The following SNX25 variants were observed in gnomAD, a reference collection of about 807,000 sequenced individuals.
The protein encoded by SNX25 is sorting nexin-25.
In SNX25, 62 loss-of-function variants were observed where a neutral mutation model predicts 113.7. The ratio of observed to expected loss-of-function variants is 0.55; its 90% CI spans 0.44 to 0.67. The LOEUF is 0.67. Among genes scored for constraint, SNX25 ranks in the 30% least tolerant of loss-of-function variants. The pLI, the probability that SNX25 is intolerant of heterozygous loss-of-function variation, is 0.00. For missense variants in SNX25, 1,014 were observed against 1,161.0 expected (o/e 0.87, Z 1.84); for synonymous variants, 421 against 436.2 (o/e 0.97, Z 0.43).
At chr4:185,312,229 G>T (rs2095036636) in intron 7 of SNX25, among the ~76,000 whole-genome samples, 3 of 151,950 alleles carry the variant, frequency 2.0e-5, no homozygotes, top group African/African-American at 4.8e-5. Context: ...TAGGTACTAG[G>T]ATTAAAAATA....
chr4:185,259,074 C>A lies in SNX25; in HGVS notation c.731+10C>A, dbSNP rs780488690. On this transcript the variant is annotated intron_variant, in intron 3 of 18. Transcript: ENST00000652585. ...AAGCTGCCAATGCCAGGTAACTGTT[C>A]TAAGCAACTTACCCCCTTTTTTGCA... is the stretch of plus-strand genomic sequence containing the variant. 6.2e-7 allele frequency: 1 copy of A among 1,608,940 alleles called. No individual in the cohort carries two copies. Among genetic ancestry groups the A allele is most frequent in the East Asian group, 2.2e-5 (1 of 44,800 alleles).
At chr4:185,376,819 AAC>A in the SNX25 span, 1 of 851,230 alleles carries the variant, frequency 1.2e-6, no homozygotes, top group African/African-American at 1.7e-5. Context: ...TCCCTAGTAT[AAC>A]ACAGTAAGAA....
At chr4:185,327,738 G>A (rs1479863199) in intron 9 of SNX25, among the ~76,000 whole-genome samples, 1 of 152,142 alleles carries the variant, frequency 6.6e-6, no homozygotes, top group African/African-American at 2.4e-5. Flanking sequence ...CACCAGATTA[G>A]AAGTTAGGGT....
At chr4:185,233,917 G>C (rs1742223621) in intron 1 of SNX25, among the ~76,000 whole-genome samples, 1 of 152,088 alleles carries the variant, frequency 6.6e-6, no homozygotes, top group African/African-American at 2.4e-5. Flanking sequence ...GAGTGCAGTG[G>C]CGCGATCTTG....
intron 17 of SNX25, chr4:185,362,399 C>A (rs909154913): frequency 4.8e-5 from 45 of 936,514 alleles, no homozygotes; most frequent in Non-Finnish European, 5.6e-5. Flanking sequence ...TATTAAAATT[C>A]GTAGTTGAAA....
chr4:185,215,953 C>T (rs1738746988), intron 1 of SNX25, among the ~76,000 whole-genome samples: 1 of 151,968 alleles, frequency 6.6e-6, no homozygotes, highest in African/African-American at 2.4e-5. Flanking sequence ...TGCACCACTA[C>T]ACCCAGCTAA....
chr4:185,345,610 CAT>C (rs978695334), intron 12 of SNX25, among the ~76,000 whole-genome samples: 8 of 151,944 alleles, frequency 5.3e-5, no homozygotes, highest in African/African-American at 1.9e-4. Flanking sequence ...GCCTGGACAA[CAT>C]AGACTTCGCC....
chr4:185,211,012 G>A (rs1737698191), intron 1 of SNX25, among the ~76,000 whole-genome samples: 1 of 152,028 alleles, frequency 6.6e-6, no homozygotes, highest in African/African-American at 2.4e-5. Flanking sequence ...TCCTTTAAAG[G>A]GAACTTTATT....
At chr4:185,218,408 T>C (rs1328228642) in intron 1 of SNX25, among the ~76,000 whole-genome samples, 1 of 152,194 alleles carries the variant, frequency 6.6e-6, no homozygotes, top group Non-Finnish European at 1.5e-5. Flanking sequence ...TTTGTAAGTA[T>C]GGTGGAGCTT....
chr4:185,292,198 T>C (rs1228252203), intron 6 of SNX25, among the ~76,000 whole-genome samples: 2 of 152,106 alleles, frequency 1.3e-5, no homozygotes, highest in Non-Finnish European at 2.9e-5. Flanking sequence ...CATGCCTTCA[T>C]GTCCAGAAAA....
chr4:185,272,094 A>G (rs1485221117), intron 5 of SNX25, among the ~76,000 whole-genome samples: 3 of 152,104 alleles, frequency 2.0e-5, no homozygotes, highest in African/African-American at 4.8e-5. Flanking sequence ...TACTGGTGTG[A>G]TATTTTGAAT....
In SNX25 at chr4:185,320,874, G is replaced by A. The variant is rs1396171667; in HGVS notation, c.1476+10G>A. 2 of 1,574,412 alleles carry A rather than the reference G, an allele frequency of 1.3e-6. No individual in the cohort carries two copies. Among genetic ancestry groups the A allele is most frequent in the East Asian group, 2.3e-5 (1 of 43,998 alleles). ...AAAGAATGCTAACAAGGTAGTATAT[G>A]TAGGCTGAAAGGAATATTAATCACT... On this transcript the variant is annotated intron_variant, in intron 8 of 18. Transcript: ENST00000652585.
chr4:185,375,290 C>T, the SNX25 span, among the ~76,000 whole-genome samples: 1 of 147,844 alleles, frequency 6.8e-6, no homozygotes, highest in Non-Finnish European at 1.5e-5. Flanking sequence ...AATCCTGTCT[C>T]TACTAAAACT....
intron 1 of SNX25, among the ~76,000 whole-genome samples, chr4:185,216,513 G>GTTTTTTTTTTTTTTTTTTTTTTTT (rs34410263): frequency 1.0e-5 from 1 of 96,730 alleles, no homozygotes. Context: ...TGTGTATTTG[G>GTTTTTTTTTTTTTTTTTTTTTTTT]TTTTTTTTTT....
intron 2 of SNX25, among the ~76,000 whole-genome samples, chr4:185,256,403 G>T (rs1746434017): frequency 6.6e-6 from 1 of 151,992 alleles, no homozygotes; most frequent in African/African-American, 2.4e-5. Context: ...AAGCTGAATT[G>T]CAAAAATACT....
chr4:185,302,107 T>TTG (rs1753780206), intron 6 of SNX25, among the ~76,000 whole-genome samples: 1 of 150,068 alleles, frequency 6.7e-6, no homozygotes, highest in Non-Finnish European at 1.5e-5. Context: ...TTTGTTTTTT[T>TTG]TTTTTTTTAG....
downstream of SNX25, among the ~76,000 whole-genome samples, chr4:185,375,030 G>C (rs550380617): frequency 8.5e-5 from 13 of 152,080 alleles, no homozygotes; most frequent in African/African-American, 2.9e-4. Context: ...GAACAGATCT[G>C]TACCCTCCAC....
At position 185,363,481 on chromosome 4, in the gene SNX25, C is replaced by T; in HGVS notation, c.*16C>T. The T allele has an allele frequency of 1.2e-6, 2 of 1,611,620 alleles. No individual in the cohort carries two copies. Among genetic ancestry groups the T allele is most frequent in the South Asian group, 2.2e-5 (2 of 91,034 alleles). On this transcript the variant is annotated 3_prime_UTR_variant, in exon 19 of 19. Coordinates refer to ENST00000652585, the MANE Select transcript of SNX25 (RefSeq NM_001378034.2). The surrounding 1 kb of genome is among the most constrained non-coding windows in gnomAD (Gnocchi z 4.2). ...CCAAGTTTGAGACTACACAAATAAA[C>T]CACCAGAAAAATGTCTGTGTAATAA...
chr4:185,218,315 C>T (rs185942506), intron 1 of SNX25, among the ~76,000 whole-genome samples: 2 of 152,348 alleles, frequency 1.3e-5, no homozygotes, highest in Admixed American at 1.3e-4. Context: ...GAACTCCTGA[C>T]CTCAGGCGAT....
Sources: allele counts gnomAD v4.1 joint callset (sites outside exome capture counted in the v4.1 genomes callset), GRCh38; gene constraint gnomAD v4.1.1; non-coding constraint Gnocchi (gnomAD v3.1); transcripts MANE v1.5; gene names NCBI Gene and HGNC (gene_info 2026-07-23, HGNC 2026-07-21).